TAFA2: variants seen among roughly 807,000 people sequenced by gnomAD.
The protein encoded by TAFA2 is chemokine-like protein TAFA-2.
TAFA2 carries 7 observed loss-of-function variants against 18.8 expected under a neutral mutation model. The observed-to-expected ratio is 0.37, with a 90% CI of 0.21 to 0.70. The LOEUF is 0.70. TAFA2 is among the 30% of genes least tolerant of loss of function. TAFA2 has a pLI of 0.53. For missense variants in TAFA2, 122 were observed against 158.1 expected (o/e 0.77, Z 1.23); for synonymous variants, 60 against 54.2 (o/e 1.11, Z -0.47).
rs1022014787 is a variant in TAFA2, at chr12:62,246,151, T to C, written c.-130+12612A>G. Among the ~76,000 whole-genome samples, 5 of 152,128 alleles carry C rather than the reference T, an allele frequency of 3.3e-5. No homozygotes were observed. The East Asian group carries it at 9.7e-4, about 29-fold the overall frequency. Reference sequence around the variant, plus strand: ...ACAGGCGCCCGCCACAATGCCCAGCTAATTTTTTGTATTTTTAGTAGAGAC... The same window carrying C: ...ACAGGCGCCCGCCACAATGCCCAGCCAATTTTTTGTATTTTTAGTAGAGAC... On this transcript the variant is annotated intron_variant, in intron 1 of 5. Coordinates refer to the TAFA2 transcript ENST00000551619.
At chr12:62,182,986 T>A (rs1335690055) in intron 1 of TAFA2, among the ~76,000 whole-genome samples, 1 of 152,238 alleles carries the variant, frequency 6.6e-6, no homozygotes, top group African/African-American at 2.4e-5. Flanking sequence ...AGGGCAGATG[T>A]CTGCCTTTTT....
intron 1 of TAFA2, among the ~76,000 whole-genome samples, chr12:62,138,100 G>C (rs1433254907): frequency 3.3e-5 from 5 of 151,956 alleles, no homozygotes; most frequent in African/African-American, 1.2e-4. Context: ...TCCTTTATGA[G>C]GGCTTCCCCA....
intron 1 of TAFA2, among the ~76,000 whole-genome samples, chr12:62,159,221 C>T (rs759036553): frequency 6.6e-5 from 10 of 152,126 alleles, no homozygotes; most frequent in Non-Finnish European, 1.0e-4. Flanking sequence ...CAGAGTCACT[C>T]GCCAAAAGGT....
At chr12:61,815,745 A>G (rs993514324) in intron 2 of TAFA2, among the ~76,000 whole-genome samples, 2 of 151,270 alleles carry the variant, frequency 1.3e-5, no homozygotes, top group Admixed American at 1.3e-4. Flanking sequence ...AATTTGAGAG[A>G]CAGAATTTGA....
At chr12:62,019,234 A>G (rs1291255860) in intron 1 of TAFA2, among the ~76,000 whole-genome samples, 2 of 152,150 alleles carry the variant, frequency 1.3e-5, no homozygotes, top group Non-Finnish European at 2.9e-5. Flanking sequence ...GTGGGACTGT[A>G]AACTAGTTCA....
intron 1 of TAFA2, among the ~76,000 whole-genome samples, chr12:61,930,784 G>A (rs551380209): frequency 2.0e-5 from 3 of 152,182 alleles, no homozygotes; most frequent in Non-Finnish European, 4.4e-5. Flanking sequence ...TCTGCATGAG[G>A]AAGAGAATAA....
At chr12:62,118,271 T>A (rs1487836448) in intron 1 of TAFA2, among the ~76,000 whole-genome samples, 1 of 152,156 alleles carries the variant, frequency 6.6e-6, no homozygotes, top group East Asian at 1.9e-4. Flanking sequence ...TGTGCAGTAT[T>A]ATATTGCTAA....
chr12:61,817,994 C>A (rs1872155882), intron 2 of TAFA2, among the ~76,000 whole-genome samples: 1 of 152,086 alleles, frequency 6.6e-6, no homozygotes, highest in Admixed American at 6.6e-5. Flanking sequence ...TGCCAACTAG[C>A]CAAAGCAGAC....
intron 1 of TAFA2, among the ~76,000 whole-genome samples, chr12:62,070,063 G>A (rs1882589307): frequency 6.6e-6 from 1 of 152,136 alleles, no homozygotes; most frequent in African/African-American, 2.4e-5. Context: ...CAAGAAACTA[G>A]AGGAAATTCC....
chr12:62,123,131 C>T (rs1146087), intron 1 of TAFA2, among the ~76,000 whole-genome samples: 141,549 of 152,216 alleles, frequency 0.93, 65,850 homozygotes, highest in Non-Finnish European at 0.94. Flanking sequence ...ACCAAATACG[C>T]TTATATACTC....
intron 2 of TAFA2, among the ~76,000 whole-genome samples, chr12:61,826,806 C>T (rs1193182416): frequency 6.6e-6 from 1 of 151,836 alleles, no homozygotes; most frequent in Non-Finnish European, 1.5e-5. Flanking sequence ...CTACTATTAA[C>T]ATTTTGTACT....
intron 4 of TAFA2, among the ~76,000 whole-genome samples, chr12:61,734,470 T>C (rs1387017868): frequency 6.6e-6 from 1 of 151,466 alleles, no homozygotes; most frequent in Non-Finnish European, 1.5e-5. Flanking sequence ...CATATGTAAC[T>C]AACCTGCACA....
intron 1 of TAFA2, among the ~76,000 whole-genome samples, chr12:62,037,873 C>A (rs1881651881): frequency 6.6e-6 from 1 of 152,152 alleles, no homozygotes; most frequent in African/African-American, 2.4e-5. Context: ...TTGGAGGAAA[C>A]AACAAATCTT....
intron 2 of TAFA2, among the ~76,000 whole-genome samples, chr12:61,840,015 G>A (rs1047102879): frequency 1.3e-5 from 2 of 152,204 alleles, no homozygotes; most frequent in African/African-American, 4.8e-5. Flanking sequence ...AGCCACGAGA[G>A]TGTACGGAAT....
chr12:61,990,254 G>T (rs902854596), intron 1 of TAFA2, among the ~76,000 whole-genome samples: 1 of 151,566 alleles, frequency 6.6e-6, no homozygotes, highest in African/African-American at 2.4e-5. Context: ...TCCAAACTGT[G>T]ACTATAACTA....
At chr12:61,721,371 A>G (rs767958356) in intron 4 of TAFA2, among the ~76,000 whole-genome samples, 32 of 152,172 alleles carry the variant, frequency 2.1e-4, no homozygotes, top group Non-Finnish European at 3.4e-4. Context: ...CAAAGATAAA[A>G]TATTTGTGAT....
intron 1 of TAFA2, among the ~76,000 whole-genome samples, chr12:62,106,122 C>G (rs995550338): frequency 6.6e-6 from 1 of 151,962 alleles, no homozygotes; most frequent in African/African-American, 2.4e-5. Context: ...CACCTCAGGT[C>G]AGGAGTTTGA....
At chr12:62,041,900 AAAG>A (rs1205720166) in intron 1 of TAFA2, among the ~76,000 whole-genome samples, 12 of 152,150 alleles carry the variant, frequency 7.9e-5, no homozygotes, top group African/African-American at 1.9e-4. Context: ...GTAAATTCTG[AAAG>A]AAGATTTCAA....
intron 1 of TAFA2, among the ~76,000 whole-genome samples, chr12:62,020,321 C>T (rs1051497053): frequency 1.3e-5 from 2 of 152,186 alleles, no homozygotes; most frequent in Non-Finnish European, 2.9e-5. Context: ...GCCCTCATTA[C>T]AGCCCCCATC....
Sources: gnomAD v4.1 joint callset for allele counts (sites outside exome capture counted in the v4.1 genomes callset) on GRCh38, gnomAD v4.1.1 for gene constraint, MANE v1.5 for transcripts, NCBI Gene and HGNC (gene_info 2026-07-23, HGNC 2026-07-21) for gene names.